Variants in RPS6KB1 observed in about 807,000 individuals in gnomAD.
RPS6KB1 encodes the protein ribosomal protein S6 kinase B1, also known as ribosomal protein S6 kinase beta-1.
Under a neutral mutation model 70.2 loss-of-function variants are expected in RPS6KB1, and 12 were observed. The observed-to-expected ratio is 0.17, with a 90% CI of 0.11 to 0.28. The LOEUF (loss-of-function observed/expected upper bound fraction) is 0.28. Among genes scored for constraint, RPS6KB1 ranks in the 10% least tolerant of loss-of-function variants. The pLI, the probability that RPS6KB1 is intolerant of heterozygous loss-of-function variation, is 1.00. For missense variants in RPS6KB1, 270 were observed against 646.6 expected (o/e 0.42, Z 6.32); for synonymous variants, 175 against 211.2 (o/e 0.83, Z 1.49).
chr17:59,943,617 G>A (rs796374846), intron 13 of RPS6KB1, among the ~76,000 whole-genome samples: 1 of 152,020 alleles, frequency 6.6e-6, no homozygotes, highest in African/African-American at 2.4e-5. Flanking sequence ...AGTGGCTCAC[G>A]CCTGTAATCC....
chr17:59,901,109 CGA>C (rs1398079181), intron 1 of RPS6KB1, among the ~76,000 whole-genome samples: 1 of 151,344 alleles, frequency 6.6e-6, no homozygotes, highest in African/African-American at 2.4e-5. Flanking sequence ...TCCCATGAGC[CGA>C]GATTGCACCA....
chr17:59,912,906 A>G (rs372819851), intron 3 of RPS6KB1, 102 bp downstream of exon 3: 10 of 1,302,346 alleles, frequency 7.7e-6, no homozygotes, highest in East Asian at 2.3e-5. Context: ...AGCTATCAGC[A>G]AAGGATGTGA....
chr17:59,908,613 ATTTTTTTTTT>A (rs546677930), intron 1 of RPS6KB1, among the ~76,000 whole-genome samples: 3 of 106,164 alleles, frequency 2.8e-5, no homozygotes, highest in African/African-American at 1.1e-4. Context: ...TGTAAAAAAA[ATTTTTTTTTT>A]TTTTTTTTTT....
At chr17:59,941,030 G>C in intron 13 of RPS6KB1, 87 bp downstream of exon 13, 1 of 725,680 alleles carries the variant, frequency 1.4e-6, no homozygotes, top group South Asian at 1.7e-5. Context: ...TTGCTTTGCA[G>C]TTCATGTAGG....
chr17:59,922,550 C>CCTTTT (rs2043330543), intron 4 of RPS6KB1, among the ~76,000 whole-genome samples: 1 of 135,902 alleles, frequency 7.4e-6, no homozygotes, highest in Non-Finnish European at 1.6e-5. Flanking sequence ...TTTTTATACT[C>CCTTTT]CTTTTTTTTT....
intron 4 of RPS6KB1, among the ~76,000 whole-genome samples, chr17:59,916,191 C>T (rs191447038): frequency 3.3e-4 from 50 of 152,206 alleles, no homozygotes; most frequent in Admixed American, 1.6e-3. Context: ...ACCTCCACCT[C>T]CCAGGTTAAA....
chr17:59,910,211 C>T (rs2042552744), intron 1 of RPS6KB1, among the ~76,000 whole-genome samples: 1 of 151,000 alleles, frequency 6.6e-6, no homozygotes, highest in East Asian at 1.9e-4. Flanking sequence ...AAAAAAAAAC[C>T]CGGGTGCCTA....
At chr17:59,897,547 G>A (rs751385154) in intron 1 of RPS6KB1, among the ~76,000 whole-genome samples, 8 of 152,170 alleles carry the variant, frequency 5.3e-5, no homozygotes, top group Middle Eastern at 3.4e-3. Flanking sequence ...TTCAAGGTAC[G>A]TTACAGAGTG....
At chr17:59,922,287 C>G (rs2043311812) in intron 4 of RPS6KB1, among the ~76,000 whole-genome samples, 2 of 152,072 alleles carry the variant, frequency 1.3e-5, no homozygotes, top group Non-Finnish European at 2.9e-5. Flanking sequence ...GTGAGCCGCT[C>G]TCCTCGGCCT....
At chr17:59,906,837 G>A (rs1408601826) in intron 1 of RPS6KB1, among the ~76,000 whole-genome samples, 2 of 151,322 alleles carry the variant, frequency 1.3e-5, no homozygotes, top group Non-Finnish European at 1.5e-5. Flanking sequence ...GAGATTACAG[G>A]CGCCCTCCAC....
At chr17:59,915,871 C>T (rs181689146) in intron 4 of RPS6KB1, among the ~76,000 whole-genome samples, 4 of 136,640 alleles carry the variant, frequency 2.9e-5, no homozygotes, top group African/African-American at 5.6e-5. Flanking sequence ...CCACAACCTC[C>T]GCCTCCCAGG....
rs192688444 is a variant in RPS6KB1 at position 59,950,136 on chromosome 17, C to T, written c.*3348C>T. On this transcript the variant is annotated 3_prime_UTR_variant, in exon 15 of 15. Coordinates refer to ENST00000225577, the MANE Select transcript of RPS6KB1 (RefSeq NM_003161.4). Reference sequence around the variant, plus strand: ...GTTGCTGATTAATACAGTACTTTTTCTTGTGTGATTCTTAACATTATAGCA... The same window carrying T: ...GTTGCTGATTAATACAGTACTTTTTTTTGTGTGATTCTTAACATTATAGCA... 2 of 152,630 alleles carry T rather than the reference C, an allele frequency of 1.3e-5. No homozygotes were observed. The highest frequency in any genetic ancestry group is 4.8e-5 in the African/African-American group (2 of 41,560). The allele number at this position is 152,630 out of a possible 1,614,324, so 9.5% of individuals were successfully genotyped here.
At chr17:59,923,804 G>A (rs933680559) in intron 4 of RPS6KB1, among the ~76,000 whole-genome samples, 3 of 151,868 alleles carry the variant, frequency 2.0e-5, no homozygotes, top group South Asian at 2.1e-4. Context: ...CACCGTGCCC[G>A]ACCACATTCT....
At chr17:59,901,454 T>A (rs1023177065) in intron 1 of RPS6KB1, among the ~76,000 whole-genome samples, 1 of 146,542 alleles carries the variant, frequency 6.8e-6, no homozygotes, top group Admixed American at 6.8e-5. Flanking sequence ...TGGCCGAGAC[T>A]CCATCTTAAA....
chr17:59,909,643 G>A (rs1435628262), intron 1 of RPS6KB1, among the ~76,000 whole-genome samples: 1 of 151,760 alleles, frequency 6.6e-6, no homozygotes, highest in Admixed American at 6.6e-5. Flanking sequence ...TTGAGAAGCC[G>A]AGGAGGGCGG....
intron 12 of RPS6KB1, among the ~76,000 whole-genome samples, chr17:59,936,994 C>T (rs1200375913): frequency 3.9e-5 from 6 of 152,056 alleles, no homozygotes; most frequent in African/African-American, 9.7e-5. Flanking sequence ...CAAATAGCTA[C>T]GACTACAGAC....
rs25548 is a variant in RPS6KB1 at position 59,946,864 on chromosome 17, G to A, written c.*76G>A. On this transcript the variant is annotated 3_prime_UTR_variant, in exon 15 of 15. Coordinates refer to ENST00000225577, the MANE Select transcript of RPS6KB1 (RefSeq NM_003161.4). The surrounding 1 kb of genome is among the most constrained non-coding windows in gnomAD (Gnocchi z 4.2). Reference sequence around the variant, plus strand: ...GTGTGAGCATCCTGCAAGGTGAAACGACTCAAAATGACAGTTTCAGAGAGT... The same window carrying A: ...GTGTGAGCATCCTGCAAGGTGAAACAACTCAAAATGACAGTTTCAGAGAGT... The A allele has an allele frequency of 6.7e-6, 10 of 1,500,098 alleles. No homozygotes were observed. In the African/African-American group the frequency reaches 1.5e-4, roughly 22 times the overall value. 92.9% of individuals were successfully genotyped at this position (1,500,098 alleles called of 1,614,324 possible).
At chr17:59,910,355 A>G (rs1021986842) in intron 1 of RPS6KB1, among the ~76,000 whole-genome samples, 1 of 152,064 alleles carries the variant, frequency 6.6e-6, no homozygotes, top group Non-Finnish European at 1.5e-5. Context: ...CCTCATCTCT[A>G]TTTGTAAAAT....
rs1348809539 is a variant in RPS6KB1 at position 59,924,677 on chromosome 17, C to T, written c.382-1758C>T. Among the ~76,000 whole-genome samples the T allele has an allele frequency of 2.6e-5, 4 of 151,958 alleles. No homozygotes were observed. The East Asian group carries it at 7.7e-4, about 29-fold the overall frequency. ...TTTATCTTAGTTGTCTTCATTTTTG[C>T]AGGCATAAGCAGATACATATTATAT... On this transcript the variant is annotated intron_variant, in intron 4 of 14. Transcript: ENST00000225577.
Sources: allele counts gnomAD v4.1 joint callset (sites outside exome capture counted in the v4.1 genomes callset), GRCh38; gene constraint gnomAD v4.1.1; non-coding constraint Gnocchi (gnomAD v3.1); transcripts MANE v1.5; gene names NCBI Gene and HGNC (gene_info 2026-07-23, HGNC 2026-07-21).